ENO4: variants seen among roughly 807,000 people sequenced by gnomAD.
The protein encoded by ENO4 is enolase 4, also known as 2-phospho-D-glycerate hydro-lyase.
A neutral mutation model predicts 63.2 loss-of-function variants in ENO4; 53 were observed. The ratio of observed to expected loss-of-function variants is 0.84; its 90% CI spans 0.67 to 1.05. The LOEUF (loss-of-function observed/expected upper bound fraction) is 1.05. Among genes scored for constraint, ENO4 ranks in the 50% least tolerant of loss-of-function variants. The pLI, the probability that ENO4 is intolerant of heterozygous loss-of-function variation, is 0.00. For synonymous variants in ENO4, 266 were observed against 283.8 expected (o/e 0.94, Z 0.63); for missense variants, 719 against 772.0 (o/e 0.93, Z 0.81).
In ENO4 at chr10:116,893,327, C is replaced by T. The variant is rs182064532; in HGVS notation, c.1194+13341C>T. On this transcript the variant is annotated intron_variant, in intron 10 of 10. Coordinates refer to the ENO4 transcript ENST00000369207. ...TAAAACTTAATTGTCCATGTACAGG[C>T]GCACATGGAGAACCTTTGTAGCAGC... 1.7e-3 allele frequency among the ~76,000 whole-genome samples: 260 copies of T among 152,250 alleles called. 2 individuals are homozygous for T. The highest frequency in any genetic ancestry group is 5.6e-3 in the African/African-American group (232 of 41,540).
At chr10:116,883,509 C>G (rs1338096332), downstream of ENO4, 1 of 152,140 alleles carries the variant, frequency 6.6e-6, no homozygotes, top group Non-Finnish European at 1.5e-5. Flanking sequence ...GGTATATAAG[C>G]TAATGTTGTT....
At position 116,881,734 on chromosome 10, in the gene ENO4, G is replaced by A. The variant is rs144235049; in HGVS notation, c.*65G>A. On this transcript the variant is annotated 3_prime_UTR_variant, in exon 14 of 14. Transcript: ENST00000341276. ...TAGTAGACCGGGAGGTCTGAAGTAC[G>A]GCGCCGTGTCTCCACATGGAGTTTC... is the stretch of plus-strand genomic sequence containing the variant. The A allele has an allele frequency of 6.8e-5, 84 of 1,243,936 alleles. No homozygotes were observed. In the East Asian group the frequency reaches 2.0e-3, roughly 30 times the overall value. The allele number at this position is 1,243,936 out of a possible 1,614,324, so 77.1% of individuals were successfully genotyped here.
At chr10:116,899,582 T>C in intron 10 of ENO4, among the ~76,000 whole-genome samples, 1 of 151,560 alleles carries the variant, frequency 6.6e-6, no homozygotes, top group Non-Finnish European at 1.5e-5. Flanking sequence ...GGGACAGTAA[T>C]GTCTGTATTT....
chr10:116,906,691 G>A (rs1847983788), intron 10 of ENO4: 2 of 1,613,414 alleles, frequency 1.2e-6, no homozygotes, highest in African/African-American at 2.7e-5. Context: ...CAGTTTCACT[G>A]TTTTCAGGGT....
intron 3 of ENO4, among the ~76,000 whole-genome samples, chr10:116,858,603 A>G (rs1158077869): frequency 6.6e-6 from 1 of 152,176 alleles, no homozygotes. Context: ...AGTCCTCTCT[A>G]TTTATATGCT....
At chr10:116,904,260 T>G (rs1161699218) in intron 10 of ENO4, among the ~76,000 whole-genome samples, 1 of 152,196 alleles carries the variant, frequency 6.6e-6, no homozygotes, top group African/African-American at 2.4e-5. Context: ...CTCTGCAGCT[T>G]TACTTTCTTG....
chr10:116,854,932 C>A (rs1846210815), intron 1 of ENO4, among the ~76,000 whole-genome samples: 1 of 93,644 alleles, frequency 1.1e-5, no homozygotes, highest in Admixed American at 1.6e-4. Context: ...CAGAGCAAGA[C>A]CCTGTCTCAA....
At chr10:116,901,199 C>T (rs1452494716) in intron 10 of ENO4, 2 of 985,270 alleles carry the variant, frequency 2.0e-6, no homozygotes, top group African/African-American at 1.7e-5. Flanking sequence ...TGATCCTCCA[C>T]TAGATCTGTC....
chr10:116,872,069 C>T (rs1395153119), intron 9 of ENO4, among the ~76,000 whole-genome samples: 1 of 152,150 alleles, frequency 6.6e-6, no homozygotes. Flanking sequence ...TGGTGGTGGG[C>T]TTCTGTAATC....
chr10:116,880,326 A>G lies in ENO4; in HGVS notation c.1723+340A>G, dbSNP rs547545763. 2.4e-4 allele frequency among the ~76,000 whole-genome samples: 37 copies of G among 152,346 alleles called. No homozygotes were observed. The East Asian group carries it at 6.9e-3, about 29-fold the overall frequency. On this transcript the variant is annotated intron_variant, in intron 13 of 13. Transcript: ENST00000341276. ...CACAGCCCATGAAAGTTAAAGGCAG[A>G]CACTTTCCTGAGGGTTTTTGGAAAC... is the stretch of plus-strand genomic sequence containing the variant.
chr10:116,888,505 C>T (rs1186477652), intron 10 of ENO4, among the ~76,000 whole-genome samples: 4 of 152,278 alleles, frequency 2.6e-5, no homozygotes, highest in Non-Finnish European at 5.9e-5. Context: ...GGAGGGAAGG[C>T]GGCTGTAAAG....
In ENO4 at chr10:116,855,686, C is replaced by G. The variant is rs1846240254; in HGVS notation, c.229C>G (p.Leu77Val). 6.5e-7 allele frequency: 1 copy of G among 1,536,282 alleles called. No homozygotes were observed. Among genetic ancestry groups the G allele is most frequent in the South Asian group, 1.2e-5 (1 of 84,046 alleles). The change falls in exon 2 of 14, where the codon CTA (leucine) becomes GTA (valine). Residue 77 changes from leucine (L) to valine (V), a missense_variant. Coordinates refer to ENST00000341276, the MANE Select transcript of ENO4 (RefSeq NM_001242699.2). ...TICKIVGKDV[L>V]DGLGLPTLQV... ...ATGCAAAATAGTGGGGAAAGACGTACTAGATGGACTGGGGCTTCCAACCCT... is the reference window on the plus strand; with the variant it reads ...ATGCAAAATAGTGGGGAAAGACGTAGTAGATGGACTGGGGCTTCCAACCCT...
Position 116,881,562 on chromosome 10 carries a change from A to G in ENO4, c.1771A>G (p.Lys591Glu), listed in dbSNP as rs1162510192. ...TTTTTACTTTAATGAGGAAGCTGAA[A>G]AGGCTGCGGAGGCACTTGAGGCTGC... Reference protein sequence around the residue: ...TFFYFNEEAEKAAEALEAAAA... With the variant: ...TFFYFNEEAEEAAEALEAAAA... Residue 591 changes from lysine (K) to glutamate (E), a missense_variant, in exon 14 of 14, where the codon AAG (lysine) becomes GAG (glutamate). By Grantham distance (56) the Lys-to-Glu change is moderately conservative. Around this residue, in one of 3 missense-constraint regions of ENO4, gnomAD observed 168 missense variants for 163.3 expected, o/e 1.03. Coordinates refer to ENST00000341276, the MANE Select transcript of ENO4 (RefSeq NM_001242699.2). 6 of 1,549,832 alleles carry G rather than the reference A, an allele frequency of 3.9e-6. No individual in the cohort carries two copies. Among genetic ancestry groups the G allele is most frequent in the Admixed American group, 3.9e-5 (2 of 50,840 alleles).
chr10:116,893,888 T>C (rs992161051), intron 10 of ENO4, among the ~76,000 whole-genome samples: 2 of 152,164 alleles, frequency 1.3e-5, no homozygotes, highest in Middle Eastern at 3.2e-3. Flanking sequence ...TAATCTTTCA[T>C]AGGATTAGAG....
chr10:116,874,205 A>G lies in ENO4; in HGVS notation c.1341+4A>G. 6.5e-7 allele frequency: 1 copy of G among 1,530,080 alleles called. No individual in the cohort carries two copies. Among genetic ancestry groups the G allele is most frequent in the Non-Finnish European group, 8.8e-7 (1 of 1,131,450 alleles). The allele number at this position is 1,530,080 out of a possible 1,614,324, so 94.8% of individuals were successfully genotyped here. On this transcript the variant is annotated splice_donor_region_variant and intron_variant, in intron 10 of 13. Transcript: ENST00000341276. ...AATTGATCCTTTCAGGAAGGAGGTA[A>G]GCACCCCACCTTCCATATTTTATAA...
In ENO4 at chr10:116,892,404, C is replaced by T. The variant is rs576575707; in HGVS notation, c.1194+12418C>T. Among the ~76,000 whole-genome samples the T allele has an allele frequency of 1.5e-4, 23 of 152,282 alleles. 2 individuals are homozygous for T. Among genetic ancestry groups the T allele is most frequent in the Admixed American group, 1.5e-3 (23 of 15,298 alleles). ...TGTGGGTGATCATTTTCTTAAGCTT[C>T]GTTTTTTAGCTTTTTATAATTCTGC... On this transcript the variant is annotated intron_variant, in intron 10 of 10. Transcript: ENST00000369207.
chr10:116,861,910 G>T (rs1051047778), intron 6 of ENO4, among the ~76,000 whole-genome samples: 1 of 152,008 alleles, frequency 6.6e-6, no homozygotes, highest in African/African-American at 2.4e-5. Flanking sequence ...TTTATCAGTT[G>T]CAGAAGAATA....
At chr10:116,893,084 T>A (rs758080521) in intron 10 of ENO4, among the ~76,000 whole-genome samples, 5 of 152,212 alleles carry the variant, frequency 3.3e-5, no homozygotes, top group Non-Finnish European at 7.3e-5. Flanking sequence ...AACAGCAGTT[T>A]AACAGTCATT....
chr10:116,867,242 G>C (rs1426729613), intron 7 of ENO4, among the ~76,000 whole-genome samples: 4 of 152,014 alleles, frequency 2.6e-5, no homozygotes, highest in African/African-American at 7.3e-5. Flanking sequence ...ACTCTCCCTA[G>C]GAACTCCTGA....
Sources: allele counts gnomAD v4.1 joint callset (sites outside exome capture counted in the v4.1 genomes callset), GRCh38; gene constraint gnomAD v4.1.1; regional missense constraint gnomAD v4.1.1; transcripts MANE v1.5; gene names NCBI Gene and HGNC (gene_info 2026-07-23, HGNC 2026-07-21).